Variants in PPP2R2D observed in about 807,000 individuals in gnomAD.
The protein encoded by PPP2R2D is serine/threonine-protein phosphatase 2A 55 kDa regulatory subunit B delta isoform.
Under a neutral mutation model 31.1 loss-of-function variants are expected in PPP2R2D, and 9 were observed. The ratio of observed to expected loss-of-function variants is 0.29; its 90% CI spans 0.17 to 0.51. The LOEUF is 0.51. Among genes scored for constraint, PPP2R2D ranks in the 20% least tolerant of loss-of-function variants. The pLI, the probability that PPP2R2D is intolerant of heterozygous loss-of-function variation, is 0.98. For synonymous variants in PPP2R2D, 179 were observed against 172.6 expected, an observed-to-expected ratio of 1.04 and a Z score of -0.29; for missense variants, 391 against 465.6, an observed-to-expected ratio of 0.84 and a Z score of 1.48.
At chr10:131,931,371 G>A (rs1554895673) in intron 2 of PPP2R2D, among the ~76,000 whole-genome samples, 1 of 152,080 alleles carries the variant, frequency 6.6e-6, no homozygotes, top group Non-Finnish European at 1.5e-5. Context: ...TTACTGAGAT[G>A]GAATCTTGCT....
Position 131,934,330 on chromosome 10 carries a change from GT to G in PPP2R2D, c.101-124del, listed in dbSNP as rs1170064336. 64 of 623,362 alleles carry G rather than the reference GT, an allele frequency of 1.0e-4. 1 individual carries two copies. Among genetic ancestry groups the G allele is most frequent in the South Asian group, 9.6e-4 (51 of 53,390 alleles). 38.6% of individuals were successfully genotyped at this position (623,362 alleles called of 1,614,324 possible). ...TGGTAATTACAAGTTTGCCAAGACA[GT>G]TTTGCTTTAGTCTCGGAGAAAGTTG... is the stretch of plus-strand genomic sequence containing the variant. On this transcript the variant is annotated intron_variant, in intron 2 of 8. Coordinates refer to ENST00000455566, the MANE Select transcript of PPP2R2D (RefSeq NM_018461.5).
the PPP2R2D span, chr10:131,966,856 C>T: frequency 6.6e-6 from 1 of 151,588 alleles, no homozygotes; most frequent in African/African-American, 2.4e-5. Flanking sequence ...GGCCCAGTCC[C>T]AGAGCTTAGT....
At chr10:131,935,084 C>G in intron 3 of PPP2R2D, 3 of 411,010 alleles carry the variant, frequency 7.3e-6, no homozygotes, top group South Asian at 5.1e-5. Flanking sequence ...GAGTGTGGGC[C>G]TTGGAGGAGC....
At chr10:131,934,926 A>T (rs934067909) in intron 3 of PPP2R2D, 3 of 457,450 alleles carry the variant, frequency 6.6e-6, no homozygotes, top group South Asian at 4.6e-5. Flanking sequence ...CTGCCCTGCC[A>T]TGAAGTGTGA....
chr10:131,904,978 C>A lies in PPP2R2D; in HGVS notation c.100+3648C>A, dbSNP rs1324016462. Reference sequence around the variant, plus strand: ...GGCCTATGTAAAATTTGATGCGCACCCCACCCCCCTTTTTTTTTTAAAAGA... The same window carrying A: ...GGCCTATGTAAAATTTGATGCGCACACCACCCCCCTTTTTTTTTTAAAAGA... On this transcript the variant is annotated intron_variant, in intron 2 of 8. Coordinates refer to ENST00000455566, the MANE Select transcript of PPP2R2D (RefSeq NM_018461.5). 2.8e-5 allele frequency among the ~76,000 whole-genome samples: 3 copies of A among 107,050 alleles called. No homozygotes were observed. The East Asian group carries it at 8.1e-4, about 29-fold the overall frequency. 70.2% of individuals were successfully genotyped at this position (107,050 alleles called of 152,430 possible).
chr10:131,924,367 TA>T (rs1487018612), intron 2 of PPP2R2D, among the ~76,000 whole-genome samples: 5 of 152,172 alleles, frequency 3.3e-5, no homozygotes, highest in African/African-American at 1.2e-4. Context: ...TATGTGGTGT[TA>T]AGGGTTCAGC....
intron 2 of PPP2R2D, among the ~76,000 whole-genome samples, chr10:131,913,919 A>G (rs2035727110): frequency 6.6e-6 from 1 of 152,198 alleles, no homozygotes; most frequent in Non-Finnish European, 1.5e-5. Flanking sequence ...ATAAAACCAC[A>G]ACTAAAATAG....
At chr10:131,912,118 G>A (rs2035694923) in intron 2 of PPP2R2D, 1 of 152,150 alleles carries the variant, frequency 6.6e-6, no homozygotes, top group Non-Finnish European at 1.5e-5. Context: ...ATCCACAAAT[G>A]TGGAATCTTA....
chr10:131,921,524 G>C (rs776298413), intron 2 of PPP2R2D, among the ~76,000 whole-genome samples: 2 of 152,190 alleles, frequency 1.3e-5, no homozygotes, highest in African/African-American at 2.4e-5. Flanking sequence ...GGGGAGAGAG[G>C]GTGGGAGGAC....
intron 2 of PPP2R2D, among the ~76,000 whole-genome samples, chr10:131,909,443 C>T (rs2035648202): frequency 6.6e-6 from 1 of 152,152 alleles, no homozygotes; most frequent in African/African-American, 2.4e-5. Flanking sequence ...GGAAAATGGG[C>T]TTACTCTAGT....
At chr10:131,915,515 C>T (rs538751893) in intron 2 of PPP2R2D, among the ~76,000 whole-genome samples, 22 of 152,228 alleles carry the variant, frequency 1.4e-4, no homozygotes, top group Non-Finnish European at 3.2e-4. Context: ...CATGTTGAGG[C>T]TGTCCATCTC....
At chr10:131,920,594 T>C (rs2035966869) in intron 2 of PPP2R2D, among the ~76,000 whole-genome samples, 1 of 152,246 alleles carries the variant, frequency 6.6e-6, no homozygotes, top group South Asian at 2.1e-4. Flanking sequence ...GATGTGGATT[T>C]TTGATGTAGG....
downstream of PPP2R2D, among the ~76,000 whole-genome samples, chr10:131,962,728 C>T (rs1306167821): frequency 2.0e-5 from 3 of 152,210 alleles, no homozygotes; most frequent in Non-Finnish European, 4.4e-5. Context: ...GCACCAACCC[C>T]GCAGATGGCC....
intron 2 of PPP2R2D, among the ~76,000 whole-genome samples, chr10:131,901,593 C>T (rs1006225477): frequency 2.6e-5 from 4 of 152,284 alleles, no homozygotes; most frequent in East Asian, 1.9e-4. Context: ...CGGCCGGGTC[C>T]TCCGAACCCA....
Position 131,957,780 on chromosome 10 carries a change from A to T in PPP2R2D, c.*1817A>T, listed in dbSNP as rs368336162. 7.0e-6 allele frequency: 1 copy of T among 142,442 alleles called. No individual in the cohort carries two copies. The highest frequency in any genetic ancestry group is 2.4e-4 in the East Asian group (1 of 4,100). The allele number at this position is 142,442 out of a possible 1,614,324, so 8.8% of individuals were successfully genotyped here. ...GCCAATCCCCCGCGCCCCTGTGGAG[A>T]TGGAGGCGTGTGCTGATCCCCATCC... On this transcript the variant is annotated 3_prime_UTR_variant, in exon 9 of 9. Coordinates refer to ENST00000455566, the MANE Select transcript of PPP2R2D (RefSeq NM_018461.5).
downstream of PPP2R2D, among the ~76,000 whole-genome samples, chr10:131,962,824 C>G (rs532034283): frequency 6.6e-6 from 1 of 152,332 alleles, no homozygotes; most frequent in East Asian, 1.9e-4. Context: ...TTCCGCCGAT[C>G]AGAGGTCCAG....
intron 2 of PPP2R2D, among the ~76,000 whole-genome samples, chr10:131,916,908 G>A (rs1329515835): frequency 6.7e-6 from 1 of 150,202 alleles, no homozygotes; most frequent in African/African-American, 2.5e-5. Context: ...ATGACACAAC[G>A]TTTGTAGGGA....
At chr10:131,928,578 C>T (rs969845899) in intron 2 of PPP2R2D, among the ~76,000 whole-genome samples, 30 of 152,170 alleles carry the variant, frequency 2.0e-4, no homozygotes, top group African/African-American at 6.3e-4. Context: ...AGCTTCCTCC[C>T]GCTGCTTTCT....
downstream of PPP2R2D, among the ~76,000 whole-genome samples, chr10:131,962,959 T>A (rs1268916085): frequency 2.6e-5 from 4 of 152,128 alleles, no homozygotes; most frequent in African/African-American, 9.7e-5. Flanking sequence ...GGTCAGGAGT[T>A]CAAGACCAGC....
Sources: allele counts gnomAD v4.1 joint callset (sites outside exome capture counted in the v4.1 genomes callset), GRCh38; gene constraint gnomAD v4.1.1; transcripts MANE v1.5; gene names NCBI Gene and HGNC (gene_info 2026-07-23, HGNC 2026-07-21).